KLF8: variants seen among roughly 807,000 people sequenced by gnomAD.
The protein encoded by KLF8 is Krueppel-like factor 8.
KLF8 carries 10 observed loss-of-function variants against 18.2 expected under a neutral mutation model. That is an observed-to-expected ratio of 0.55 (90% CI 0.34 to 0.93). KLF8 has a LOEUF of 0.93. Among genes scored for constraint, KLF8 ranks in the 40% least tolerant of loss-of-function variants. The probability of loss-of-function intolerance (pLI) is 0.02; values close to 1 mark genes in which losing one functional copy is unlikely to be tolerated. For synonymous variants in KLF8, 109 were observed against 97.3 expected (o/e 1.12, Z -0.71); for missense variants, 264 against 277.9 (o/e 0.95, Z 0.36).
chrX:56,251,099 T>TAA (rs2066703826), intron 2 of KLF8, among the ~76,000 whole-genome samples: 1 of 112,714 alleles, frequency 8.9e-6, no homozygotes, highest in African/African-American at 3.2e-5. Flanking sequence ...AGTTGTCACA[T>TAA]AAAATTAACC....
the KLF8 span, among the ~76,000 whole-genome samples, chrX:56,042,181 A>G: frequency 9.0e-6 from 1 of 111,664 alleles, no homozygotes; most frequent in African/African-American, 3.3e-5. Context: ...ATGTACTTGT[A>G]TGGTTTTATG....
chrX:56,266,245 C>T lies in KLF8; in HGVS notation c.646+501C>T. On this transcript the variant is annotated intron_variant, in intron 3 of 5. Transcript: ENST00000468660. The stretch of plus-strand genomic sequence containing the variant: ...AAACATACTTAGCCAGTATTAGCTC[C>T]TGCCTCTACCAATACTTTCCCTTTT... 4.0e-6 allele frequency: 3 copies of T among 752,045 alleles called. No homozygotes were observed. In the South Asian group the frequency reaches 2.0e-4, roughly 51 times the overall value. The allele number at this position is 752,045 out of a possible 1,213,427, so 62.0% of individuals were successfully genotyped here. A position where few individuals can be genotyped will look rare whatever the true frequency, so the allele number is the denominator to read the frequency against.
the KLF8 span, among the ~76,000 whole-genome samples, chrX:56,164,673 G>A: frequency 1.1e-5 from 1 of 94,138 alleles, no homozygotes; most frequent in Non-Finnish European, 2.1e-5. Flanking sequence ...TTTTCTGTAT[G>A]CCCACTGTTC....
At chrX:56,011,110 AT>A in the KLF8 span, among the ~76,000 whole-genome samples, 3 of 112,250 alleles carry the variant, frequency 2.7e-5, no homozygotes, top group African/African-American at 9.7e-5. Flanking sequence ...TTAGCTCTGG[AT>A]CAAGTGGACC....
chrX:56,135,033 T>C, the KLF8 span, among the ~76,000 whole-genome samples: 2 of 111,060 alleles, frequency 1.8e-5, no homozygotes, highest in Admixed American at 9.6e-5. Context: ...AACAATATCA[T>C]TAAAAAGTCA....
the KLF8 span, among the ~76,000 whole-genome samples, chrX:56,145,558 CCAT>C: frequency 8.9e-6 from 1 of 112,053 alleles, no homozygotes; most frequent in Non-Finnish European, 1.9e-5. Flanking sequence ...ACACAAATAT[CCAT>C]CAACAGATGA....
chrX:56,221,133 G>T, the KLF8 span, among the ~76,000 whole-genome samples: 2 of 111,771 alleles, frequency 1.8e-5, no homozygotes, highest in Non-Finnish European at 3.8e-5. Flanking sequence ...GTGCATTTCT[G>T]GAGCTCTAAA....
At chrX:56,229,637 C>A (rs2066388419), upstream of KLF8, among the ~76,000 whole-genome samples, 1 of 111,890 alleles carries the variant, frequency 8.9e-6, no homozygotes, top group African/African-American at 3.2e-5. Context: ...TTGACATTAA[C>A]TGTGGTCATG....
the KLF8 span, among the ~76,000 whole-genome samples, chrX:56,162,460 C>T: frequency 7.1e-5 from 8 of 111,930 alleles, no homozygotes; most frequent in Admixed American, 2.8e-4. Flanking sequence ...ACTCAAGCCT[C>T]GGCAATGCCG....
the KLF8 span, among the ~76,000 whole-genome samples, chrX:55,950,535 A>G: frequency 9.0e-6 from 1 of 111,490 alleles, no homozygotes; most frequent in East Asian, 2.8e-4. Flanking sequence ...AATGAACTTA[A>G]ATCATTGGGG....
chrX:56,084,071 G>T, the KLF8 span, among the ~76,000 whole-genome samples: 1 of 111,589 alleles, frequency 9.0e-6, no homozygotes. Context: ...ATATAAAATT[G>T]TCACTATAAA....
chrX:56,007,067 C>T, the KLF8 span, among the ~76,000 whole-genome samples: 2 of 112,271 alleles, frequency 1.8e-5, no homozygotes, highest in African/African-American at 6.5e-5. Context: ...TCAGTGGCAG[C>T]AGCCCTAGGC....
the KLF8 span, among the ~76,000 whole-genome samples, chrX:56,188,525 A>C: frequency 8.9e-6 from 1 of 111,881 alleles, no homozygotes; most frequent in Non-Finnish European, 1.9e-5. Flanking sequence ...AACTACTTTC[A>C]AGTTCATATG....
Position 56,287,554 on chromosome X carries a change from G to A in KLF8, c.*3060G>A, listed in dbSNP as rs983483816. The stretch of plus-strand genomic sequence containing the variant: ...AGGGTTGGATAATATTCTGGGATTT[G>A]TTGCAGCAGAATTCCTCTATCTGAT... On this transcript the variant is annotated 3_prime_UTR_variant, in exon 6 of 6. Transcript: ENST00000468660. The A allele has an allele frequency of 8.9e-6, 1 of 111,909 alleles. No individual in the cohort carries two copies. Among genetic ancestry groups the A allele is most frequent in the African/African-American group, 3.2e-5 (1 of 30,797 alleles). 9.2% of individuals were successfully genotyped at this position (111,909 alleles called of 1,213,427 possible).
At chrX:56,121,246 G>A in the KLF8 span, among the ~76,000 whole-genome samples, 2 of 109,146 alleles carry the variant, frequency 1.8e-5, no homozygotes, top group Non-Finnish European at 3.8e-5. Context: ...AAGGCTTCCT[G>A]CCTATGACTG....
chrX:56,257,199 T>TA (rs938360301), intron 2 of KLF8, among the ~76,000 whole-genome samples: 2 of 111,480 alleles, frequency 1.8e-5, no homozygotes, highest in African/African-American at 6.5e-5. Context: ...CTGAGTGTCT[T>TA]AAGGTGTGTT....
chrX:55,933,961 T>G, the KLF8 span, among the ~76,000 whole-genome samples: 4 of 112,319 alleles, frequency 3.6e-5, no homozygotes, highest in Middle Eastern at 4.6e-3. Context: ...GTCATAGCTT[T>G]TATAAGTTTA....
the KLF8 span, among the ~76,000 whole-genome samples, chrX:56,075,630 ACCCATTAACCAT>A: frequency 9.0e-6 from 1 of 111,579 alleles, no homozygotes; most frequent in Non-Finnish European, 1.9e-5. Flanking sequence ...ATTTGTTGAT[ACCCATTAACCAT>A]CCTCACCTTC....
the KLF8 span, among the ~76,000 whole-genome samples, chrX:56,135,061 G>C: frequency 2.7e-5 from 3 of 111,537 alleles, no homozygotes; most frequent in Non-Finnish European, 5.6e-5. Flanking sequence ...ACAGGTGCTG[G>C]AGAGGATGTG....
Sources: allele counts gnomAD v4.1 joint callset (sites outside exome capture counted in the v4.1 genomes callset), GRCh38; gene constraint gnomAD v4.1.1; transcripts MANE v1.5; gene names NCBI Gene and HGNC (gene_info 2026-07-23, HGNC 2026-07-21).